Variants in RIN2 observed in about 807,000 individuals in gnomAD.
RIN2 encodes RAB5 interacting protein 2.
A neutral mutation model predicts 78.0 loss-of-function variants in RIN2; 36 were observed. That is an observed-to-expected ratio of 0.46 (90% confidence interval 0.35 to 0.61). The LOEUF (loss-of-function observed/expected upper bound fraction) is 0.61, where lower values mean the gene tolerates loss of function less well. Ranked by LOEUF, RIN2 falls within the 20% of genes least tolerant of loss-of-function variation. The probability of loss-of-function intolerance (pLI) is 0.00; values close to 1 mark genes in which losing one functional copy is unlikely to be tolerated. For synonymous variants in RIN2, 466 were observed against 466.8 expected (o/e 1.00, Z 0.02); for missense variants, 1,087 against 1,159.7 (o/e 0.94, Z 0.91).
intron 9 of RIN2, among the ~76,000 whole-genome samples, chr20:19,983,164 TTCAC>T (rs2042513612): frequency 6.6e-6 from 1 of 152,240 alleles, no homozygotes; most frequent in Non-Finnish European, 1.5e-5. Context: ...ATACTGAGCT[TTCAC>T]TCAATGTTAG....
chr20:19,786,571 C>T (rs2034685059), intron 1 of RIN2, among the ~76,000 whole-genome samples: 1 of 152,296 alleles, frequency 6.6e-6, no homozygotes, highest in South Asian at 2.1e-4. Flanking sequence ...CCAGCCAAGC[C>T]CTTCCTGAAT....
chr20:19,843,199 G>A (rs2036635120), intron 2 of RIN2, among the ~76,000 whole-genome samples: 1 of 152,168 alleles, frequency 6.6e-6, no homozygotes, highest in African/African-American at 2.4e-5. Context: ...GTGTTAAAAT[G>A]ACAACTAAAG....
intron 4 of RIN2, among the ~76,000 whole-genome samples, chr20:19,949,457 C>G (rs968492825): frequency 6.6e-6 from 1 of 152,196 alleles, no homozygotes; most frequent in Non-Finnish European, 1.5e-5. Context: ...TGGATGTGCA[C>G]CATCCTTGGT....
intron 8 of RIN2, among the ~76,000 whole-genome samples, chr20:19,972,331 A>C (rs2042133998): frequency 1.3e-5 from 2 of 152,160 alleles, no homozygotes; most frequent in Non-Finnish European, 2.9e-5. Flanking sequence ...ACATAGCTCC[A>C]GTCTGATGGT....
In RIN2 at chr20:19,814,500, C is replaced by A. The variant is rs186686328; in HGVS notation, c.-37+14753C>A. On this transcript the variant is annotated intron_variant, in intron 2 of 12. Transcript: ENST00000255006. Reference sequence around the variant, plus strand: ...CACTGATTACGACAACAATCACTCACAACAACTGGTGTGGTCACACAACAT... The same window carrying A: ...CACTGATTACGACAACAATCACTCAAAACAACTGGTGTGGTCACACAACAT... Among the ~76,000 whole-genome samples, 198 of 152,252 alleles carry A rather than the reference C, an allele frequency of 1.3e-3. 1 individual carries two copies. Among genetic ancestry groups the A allele is most frequent in the African/African-American group, 4.3e-3 (177 of 41,548 alleles).
chr20:19,824,320 T>A (rs1448657403), intron 2 of RIN2, among the ~76,000 whole-genome samples: 1 of 152,228 alleles, frequency 6.6e-6, no homozygotes, highest in African/African-American at 2.4e-5. Context: ...GCTTAGGGGT[T>A]TATTTTAAGA....
intron 2 of RIN2, among the ~76,000 whole-genome samples, chr20:19,827,941 A>G (rs796137003): frequency 5.9e-5 from 9 of 151,652 alleles, no homozygotes; most frequent in African/African-American, 2.2e-4. Context: ...GCTTCTAGGC[A>G]TTATTCACAC....
At chr20:19,942,103 C>G (rs1980962009) in intron 4 of RIN2, among the ~76,000 whole-genome samples, 1 of 73,344 alleles carries the variant, frequency 1.4e-5, no homozygotes. Context: ...GAGTGAGACT[C>G]TATCTCAAAA....
chr20:19,800,845 G>C (rs73291579), intron 2 of RIN2, among the ~76,000 whole-genome samples: 3,246 of 152,296 alleles, frequency 0.021, 121 homozygotes, highest in African/African-American at 0.073. Flanking sequence ...TTGTTTACAA[G>C]TAAGAAAACA....
At chr20:19,846,431 A>G (rs1214871421) in intron 2 of RIN2, among the ~76,000 whole-genome samples, 1 of 152,152 alleles carries the variant, frequency 6.6e-6, no homozygotes, top group African/African-American at 2.4e-5. Flanking sequence ...GTTCTTGAAG[A>G]AGTCCTTCAC....
chr20:19,854,961 T>G (rs1280736620), intron 2 of RIN2, among the ~76,000 whole-genome samples: 1 of 152,182 alleles, frequency 6.6e-6, no homozygotes, highest in Admixed American at 6.5e-5. Flanking sequence ...CTTGTGCCAG[T>G]TTTCAAAGGG....
At chr20:19,805,362 T>C (rs1406351437) in intron 2 of RIN2, among the ~76,000 whole-genome samples, 1 of 152,200 alleles carries the variant, frequency 6.6e-6, no homozygotes, top group Admixed American at 6.5e-5. Flanking sequence ...AGTCCAACTA[T>C]GGGACTCAGA....
chr20:19,946,008 A>G (rs576028444), intron 4 of RIN2, among the ~76,000 whole-genome samples: 13 of 152,294 alleles, frequency 8.5e-5, no homozygotes, highest in African/African-American at 3.1e-4. Flanking sequence ...CTCAGAAAGA[A>G]ACTGCCCAGT....
chr20:19,929,942 AG>A (rs1372329548), intron 3 of RIN2, among the ~76,000 whole-genome samples: 2 of 152,074 alleles, frequency 1.3e-5, no homozygotes, highest in African/African-American at 2.4e-5. Context: ...CTGCTGGCGG[AG>A]GGCCCAGTGG....
At chr20:19,825,468 A>G (rs754206808) in intron 2 of RIN2, among the ~76,000 whole-genome samples, 5 of 152,098 alleles carry the variant, frequency 3.3e-5, no homozygotes, top group Non-Finnish European at 4.4e-5. Context: ...TCCCCTTCCC[A>G]GTCCTCTCTT....
At chr20:19,971,613 TTCC>T (rs1156234085) in intron 8 of RIN2, among the ~76,000 whole-genome samples, 1 of 152,172 alleles carries the variant, frequency 6.6e-6, no homozygotes, top group African/African-American at 2.4e-5. Flanking sequence ...GATGTATGTA[TTCC>T]TCCTCTGGCA....
At chr20:19,983,496 G>A (rs926966636) in intron 9 of RIN2, among the ~76,000 whole-genome samples, 7 of 151,798 alleles carry the variant, frequency 4.6e-5, no homozygotes, top group South Asian at 4.2e-4. Flanking sequence ...CCCAATAAAT[G>A]TTAGCAATTA....
intron 1 of RIN2, among the ~76,000 whole-genome samples, chr20:19,770,942 C>T (rs887861033): frequency 2.0e-5 from 3 of 150,360 alleles, no homozygotes; most frequent in African/African-American, 7.3e-5. Flanking sequence ...GACCCGGCAT[C>T]AAGTGGGGGT....
Position 19,878,253 on chromosome 20 carries a change from C to T in RIN2, c.-36-11313C>T, listed in dbSNP as rs1318729135. 4.6e-5 allele frequency among the ~76,000 whole-genome samples: 7 copies of T among 152,138 alleles called. No homozygotes were observed. In the South Asian group the frequency reaches 6.2e-4, roughly 14 times the overall value. ...TGCCCAAAGCTCTGGAATCTCTTCCCGCGTGGCCCAAGCCTGCTTCCACTG... is the reference window on the plus strand; with the variant it reads ...TGCCCAAAGCTCTGGAATCTCTTCCTGCGTGGCCCAAGCCTGCTTCCACTG... On this transcript the variant is annotated intron_variant, in intron 2 of 12. Coordinates refer to ENST00000255006, the MANE Select transcript of RIN2 (RefSeq NM_018993.4).
Sources: gnomAD v4.1 joint callset for allele counts (sites outside exome capture counted in the v4.1 genomes callset) on GRCh38, gnomAD v4.1.1 for gene constraint, MANE v1.5 for transcripts, NCBI Gene and HGNC (gene_info 2026-07-23, HGNC 2026-07-21) for gene names.